SORCS1: variants seen among roughly 807,000 people sequenced by gnomAD.
SORCS1 encodes the protein VPS10 domain-containing receptor SorCS1.
Under a neutral mutation model 146.1 loss-of-function variants are expected in SORCS1, and 60 were observed. The ratio of observed to expected loss-of-function variants is 0.41; its 90% CI spans 0.33 to 0.51. The LOEUF (loss-of-function observed/expected upper bound fraction) is 0.51. Among genes scored for constraint, SORCS1 ranks in the 20% least tolerant of loss-of-function variants. The probability of loss-of-function intolerance (pLI) is 0.21; values close to 1 mark genes in which losing one functional copy is unlikely to be tolerated. For missense variants in SORCS1, 1,352 were observed against 1,487.6 expected (o/e 0.91, Z 1.50); for synonymous variants, 637 against 584.0 (o/e 1.09, Z -1.31).
At chr10:106,702,214 G>A (rs1854187552) in intron 8 of SORCS1, among the ~76,000 whole-genome samples, 2 of 152,140 alleles carry the variant, frequency 1.3e-5, no homozygotes, top group Non-Finnish European at 2.9e-5. Context: ...CCATCCTATA[G>A]GGTAAAGACC....
At chr10:107,111,941 A>T (rs957501866) in intron 1 of SORCS1, among the ~76,000 whole-genome samples, 2 of 152,168 alleles carry the variant, frequency 1.3e-5, no homozygotes, top group African/African-American at 2.4e-5. Flanking sequence ...TGTCAAAAGA[A>T]AAACTGCCAA....
At chr10:106,746,432 C>T (rs1457937425) in intron 5 of SORCS1, among the ~76,000 whole-genome samples, 1 of 152,176 alleles carries the variant, frequency 6.6e-6, no homozygotes, top group Non-Finnish European at 1.5e-5. Flanking sequence ...GCCACAATTT[C>T]CTACAAAGAG....
At chr10:106,914,710 G>C (rs575443694) in intron 2 of SORCS1, among the ~76,000 whole-genome samples, 7 of 152,268 alleles carry the variant, frequency 4.6e-5, no homozygotes, top group African/African-American at 1.7e-4. Context: ...TATCCAATTA[G>C]CTCATTAGCC....
At chr10:106,854,581 G>A (rs1009954541) in intron 2 of SORCS1, among the ~76,000 whole-genome samples, 4 of 151,234 alleles carry the variant, frequency 2.6e-5, no homozygotes, top group South Asian at 4.2e-4. Context: ...CATTTTATAC[G>A]AATTTATTTT....
At chr10:106,600,048 C>A (rs1433156293) in intron 23 of SORCS1, among the ~76,000 whole-genome samples, 1 of 152,128 alleles carries the variant, frequency 6.6e-6, no homozygotes, top group Non-Finnish European at 1.5e-5. Context: ...CCTCAGCCTC[C>A]CAAAGTGCTG....
intron 1 of SORCS1, among the ~76,000 whole-genome samples, chr10:107,093,272 T>A (rs930019158): frequency 6.6e-6 from 1 of 152,156 alleles, no homozygotes; most frequent in Non-Finnish European, 1.5e-5. Flanking sequence ...GTCTGAAACA[T>A]CTCCGGTCTG....
intron 1 of SORCS1, among the ~76,000 whole-genome samples, chr10:107,074,217 C>G (rs549302558): frequency 6.6e-6 from 1 of 152,184 alleles, no homozygotes; most frequent in Admixed American, 6.5e-5. Flanking sequence ...CCCCCAACAC[C>G]GGGCAACCAC....
chr10:107,054,641 G>A (rs1253835766), intron 1 of SORCS1, among the ~76,000 whole-genome samples: 2 of 152,118 alleles, frequency 1.3e-5, no homozygotes, highest in Admixed American at 6.6e-5. Flanking sequence ...GACAGTCTGG[G>A]GCAGGCAGTG....
At chr10:106,749,919 C>A (rs1328348202) in intron 5 of SORCS1, among the ~76,000 whole-genome samples, 1 of 152,058 alleles carries the variant, frequency 6.6e-6, no homozygotes, top group Admixed American at 6.5e-5. Flanking sequence ...AATGTCACAC[C>A]CCTTGAAAAC....
At position 106,580,286 on chromosome 10, in the gene SORCS1, C is replaced by T. The variant is rs186605123; in HGVS notation, c.3266-812G>A. Among the ~76,000 whole-genome samples the T allele has an allele frequency of 1.3e-4, 20 of 152,298 alleles. No individual in the cohort carries two copies. In the Middle Eastern group the frequency reaches 0.01, roughly 78 times the overall value. On this transcript the variant is annotated intron_variant, in intron 24 of 25. Coordinates refer to ENST00000263054, the MANE Select transcript of SORCS1 (RefSeq NM_052918.5). Reference sequence around the variant, plus strand: ...AGCTCTGACAGCCCTCCCCAAGATGCTCCAGCCTCTCAAACACAGTGAGTT... The same window carrying T: ...AGCTCTGACAGCCCTCCCCAAGATGTTCCAGCCTCTCAAACACAGTGAGTT...
chr10:106,947,098 G>T (rs2138840168), intron 2 of SORCS1, among the ~76,000 whole-genome samples: 1 of 152,244 alleles, frequency 6.6e-6, no homozygotes, highest in East Asian at 1.9e-4. Context: ...AATACACTGA[G>T]ATCAAGACAT....
At chr10:107,088,508 C>G (rs1055341642) in intron 1 of SORCS1, among the ~76,000 whole-genome samples, 1 of 152,122 alleles carries the variant, frequency 6.6e-6, no homozygotes, top group African/African-American at 2.4e-5. Context: ...TAGAGTATTT[C>G]CAGTTCACAG....
At chr10:106,956,662 G>T in intron 1 of SORCS1, 82 bp from the exon 2 acceptor site, 1 of 1,158,672 alleles carries the variant, frequency 8.6e-7, no homozygotes, top group Non-Finnish European at 1.3e-6. Context: ...GAGGGCTTAG[G>T]ATTCCTTTAA....
At chr10:106,730,017 C>T in intron 6 of SORCS1, 33 bp downstream of exon 6, 1 of 1,605,282 alleles carries the variant, frequency 6.2e-7, no homozygotes, top group South Asian at 1.1e-5. Flanking sequence ...ACTAATATTA[C>T]TATGAGTATT....
chr10:107,019,503 T>C (rs1392418654), intron 1 of SORCS1, among the ~76,000 whole-genome samples: 3 of 152,154 alleles, frequency 2.0e-5, no homozygotes, highest in African/African-American at 7.2e-5. Flanking sequence ...CTCAATCAGA[T>C]TGCAAAGTTC....
intron 25 of SORCS1, 101 bp downstream of exon 25, chr10:106,579,268 A>C: frequency 1.2e-6 from 2 of 1,614,078 alleles, no homozygotes; most frequent in Non-Finnish European, 1.7e-6. Context: ...TATTAATAGA[A>C]ACCATCACTG....
chr10:106,783,394 T>C (rs577866865), intron 3 of SORCS1, among the ~76,000 whole-genome samples: 1 of 152,326 alleles, frequency 6.6e-6, no homozygotes, highest in South Asian at 2.1e-4. Flanking sequence ...TCAGATAAGA[T>C]TATCTGTGCA....
chr10:107,035,576 C>T (rs1298244806), intron 1 of SORCS1, among the ~76,000 whole-genome samples: 3 of 152,076 alleles, frequency 2.0e-5, no homozygotes, highest in Admixed American at 1.3e-4. Context: ...TGGAGCTCCA[C>T]GGTCAATCAG....
chr10:106,723,679 A>G (rs567469236), intron 6 of SORCS1, among the ~76,000 whole-genome samples: 1 of 152,352 alleles, frequency 6.6e-6, no homozygotes, highest in African/African-American at 2.4e-5. Context: ...GTTGGTAAGA[A>G]ACATCAGTGC....
Sources: allele counts gnomAD v4.1 joint callset (sites outside exome capture counted in the v4.1 genomes callset), GRCh38; gene constraint gnomAD v4.1.1; transcripts MANE v1.5; gene names NCBI Gene and HGNC (gene_info 2026-07-23, HGNC 2026-07-21).